SULT1A2: variants seen among roughly 807,000 people sequenced by gnomAD.
The protein encoded by SULT1A2 is sulfotransferase 1A2.
A neutral mutation model predicts 36.0 loss-of-function variants in SULT1A2; 33 were observed. The ratio of observed to expected loss-of-function variants is 0.92; its 90% CI spans 0.69 to 1.22. SULT1A2 has a LOEUF of 1.22. SULT1A2 is among the 50% of genes most tolerant of loss of function. SULT1A2 has a pLI of 0.00. For synonymous variants in SULT1A2, 138 were observed against 144.5 expected (o/e 0.96, Z 0.32); for missense variants, 367 against 383.2 (o/e 0.96, Z 0.35).
Position 28,593,110 on chromosome 16 carries a change from G to A in SULT1A2, c.594+142C>T, listed in dbSNP as rs536326635. 6.4e-5 allele frequency: 81 copies of A among 1,273,444 alleles called. 1 individual carries two copies. Among genetic ancestry groups the A allele is most frequent in the South Asian group, 4.3e-5 (3 of 70,236 alleles). The allele number at this position is 1,273,444 out of a possible 1,614,324, so 78.9% of individuals were successfully genotyped here. A position where few individuals can be genotyped will look rare whatever the true frequency, so the allele number is the denominator to read the frequency against. ...TGCTGCCACATGGGGCTGCAGTGGG[G>A]CCTGGGCCAGGGAGTCAAGATGGGG... On this transcript the variant is annotated intron_variant, in intron 6 of 7. Transcript: ENST00000335715.
intron 5 of SULT1A2, 29 bp downstream of exon 5, chr16:28,593,413 C>T: frequency 1.2e-6 from 2 of 1,614,080 alleles, no homozygotes; most frequent in Non-Finnish European, 1.7e-6. Flanking sequence ...CCCTTAGCTC[C>T]ACACCTTCCT....
chr16:28,592,571 G>C, intron 6 of SULT1A2, 128 bp from the exon 7 acceptor site: 1 of 1,517,230 alleles, frequency 6.6e-7, no homozygotes, highest in Non-Finnish European at 8.9e-7. Flanking sequence ...CCAGCTCCTC[G>C]ACCCCTGGGA....
At chr16:28,594,603 C>T (rs2047036685) in intron 4 of SULT1A2, among the ~76,000 whole-genome samples, 1 of 151,992 alleles carries the variant, frequency 6.6e-6, no homozygotes, top group Non-Finnish European at 1.5e-5. Context: ...CTGGCGCCTG[C>T]CCCAACGCCT....
Position 28,595,822 on chromosome 16 carries a change from G to A in SULT1A2, c.109C>T (p.Arg37Trp), listed in dbSNP as rs142049355. The A allele has an allele frequency of 1.1e-5, 17 of 1,612,162 alleles. No individual in the cohort carries two copies. The African/African-American group carries it at 1.3e-4, about 13-fold the overall frequency. Reference sequence around the variant, plus strand: ...GTGCTGATGAGCAGGTCATCAGGCCGGGCCTGGAAGCTCTGCAGGGGCCCC... The same window carrying A: ...GTGCTGATGAGCAGGTCATCAGGCCAGGCCTGGAAGCTCTGCAGGGGCCCC... ...ALGPLQSFQA[R>W]PDDLLISTYP... The change falls in exon 2 of 8, where the codon CGG (arginine) becomes TGG (tryptophan). Residue 37 changes from arginine to tryptophan, a missense_variant. Transcript: ENST00000335715.
intron 5 of SULT1A2, 28 bp from the exon 6 acceptor site, chr16:28,593,374 A>G (rs1228497063): frequency 3.1e-6 from 5 of 1,614,062 alleles, no homozygotes; most frequent in Non-Finnish European, 3.4e-6. Flanking sequence ...GAGTGCCGAC[A>G]CAGGGTTGCT....
At chr16:28,593,072 G>C (rs2047013452) in intron 6 of SULT1A2, among the ~76,000 whole-genome samples, 180 bp downstream of exon 6, 1 of 152,230 alleles carries the variant, frequency 6.6e-6, no homozygotes, top group African/African-American at 2.4e-5. Context: ...GGAGATGAGA[G>C]CTGTGCCCAG....
At position 28,592,083 on chromosome 16, in the gene SULT1A2, G is replaced by A. The variant is rs773661297; in HGVS notation, c.833C>T (p.Ala278Val). 5.0e-6 allele frequency: 8 copies of A among 1,611,906 alleles called. No homozygotes were observed. Among genetic ancestry groups the A allele is most frequent in the Middle Eastern group, 4.5e-4 (2 of 4,456 alleles). Residue 278 changes from alanine to valine, a missense_variant, in exon 8 of 8, where the codon GCG (alanine) becomes GTG (valine). Physicochemically the swap from Ala to Val is moderately conservative, Grantham distance 64. Coordinates refer to ENST00000335715, the MANE Select transcript of SULT1A2 (RefSeq NM_001054.4). ...FTVAQNERFD[A>V]DYAKKMAGCS... ...GCCTGCCATCTTCTTCGCATAGTCC[G>A]CATCGAAGCGCTCATTCTGCGCCAC...
intron 3 of SULT1A2, 30 bp downstream of exon 3, chr16:28,595,520 C>T: frequency 6.2e-7 from 1 of 1,614,146 alleles, no homozygotes; most frequent in Non-Finnish European, 8.5e-7. Context: ...CTGTCTTCCT[C>T]CACTCCCCTT....
At chr16:28,596,262 A>G (rs749855907) in intron 1 of SULT1A2, 120 of 1,281,900 alleles carry the variant, frequency 9.4e-5, no homozygotes, top group East Asian at 2.4e-4. Flanking sequence ...GTCCAGCTGC[A>G]CTGAGGAACC....
At chr16:28,593,149 T>G (rs1393918596) in intron 6 of SULT1A2, 103 bp downstream of exon 6, 1 of 1,544,440 alleles carries the variant, frequency 6.5e-7, no homozygotes, top group African/African-American at 1.4e-5. Context: ...CCGGGCCTGC[T>G]GGAGGGGCCG....
chr16:28,592,465 A>G (rs1332134816), intron 6 of SULT1A2, 22 bp from the exon 7 acceptor site: 2 of 1,614,108 alleles, frequency 1.2e-6, no homozygotes, highest in African/African-American at 2.7e-5. Context: ...AGGGCTCCTC[A>G]GTGGAGGCTT....
chr16:28,596,914 G>A, intron 1 of SULT1A2, 83 bp downstream of exon 1: 1 of 986,018 alleles, frequency 1.0e-6, no homozygotes, highest in Middle Eastern at 4.5e-4. Flanking sequence ...GGCAGGGATA[G>A]CAGAGGCCTC....
In SULT1A2 at chr16:28,595,603, G is replaced by T; in HGVS notation, c.221C>A (p.Pro74His). The T allele has an allele frequency of 3.7e-6, 6 of 1,614,162 alleles. No individual in the cohort carries two copies. The highest frequency in any genetic ancestry group is 5.1e-6 in the Non-Finnish European group (6 of 1,180,030). The change falls in exon 3 of 8, where the codon CCC becomes CAC. Residue 74 changes from proline (P) to histidine (H), a missense_variant. Physicochemically the swap from Pro to His is moderately conservative, Grantham distance 77 (BLOSUM62 -2). Transcript: ENST00000335715. ...AAGGAAGGGCACCCGCATGAAGATG[G>T]GAGCTCGGTGACACTTTTCCAGGTC... ...GGDLEKCHRA[P>H]IFMRVPFLEF...
At chr16:28,593,191 G>A in intron 6 of SULT1A2, 61 bp downstream of exon 6, 4 of 1,607,736 alleles carry the variant, frequency 2.5e-6, no homozygotes, top group Non-Finnish European at 3.4e-6. Flanking sequence ...GCCTTGGCAG[G>A]TCCCTGTGAA....
At chr16:28,593,894 G>C (rs1436481230) in intron 4 of SULT1A2, among the ~76,000 whole-genome samples, 1 of 152,034 alleles carries the variant, frequency 6.6e-6, no homozygotes, top group African/African-American at 2.4e-5. Flanking sequence ...ACCTTTCTTA[G>C]GTCTACCCGG....
intron 4 of SULT1A2, among the ~76,000 whole-genome samples, chr16:28,595,115 G>A (rs2047043223): frequency 6.6e-6 from 1 of 151,938 alleles, no homozygotes; most frequent in Non-Finnish European, 1.5e-5. Flanking sequence ...TTTTGAGACA[G>A]TGTTTCTCTG....
intron 4 of SULT1A2, among the ~76,000 whole-genome samples, chr16:28,595,072 C>G (rs925060269): frequency 6.6e-6 from 1 of 151,872 alleles, no homozygotes; most frequent in African/African-American, 2.4e-5. Context: ...TGTGAGCCAC[C>G]GCACTGGTGG....
At chr16:28,596,918 A>C in intron 1 of SULT1A2, 79 bp downstream of exon 1, 1 of 1,019,948 alleles carries the variant, frequency 9.8e-7, no homozygotes, top group Non-Finnish European at 1.3e-6. Flanking sequence ...GGGATAGCAG[A>C]GGCCTCGGCT....
chr16:28,592,873 A>T (rs1323630297), intron 6 of SULT1A2, among the ~76,000 whole-genome samples: 3 of 152,190 alleles, frequency 2.0e-5, no homozygotes, highest in Admixed American at 1.3e-4. Context: ...TTAGCCAGGC[A>T]TGGTAGTGTG....
Sources: gnomAD v4.1 joint callset for allele counts (sites outside exome capture counted in the v4.1 genomes callset) on GRCh38, gnomAD v4.1.1 for gene constraint, MANE v1.5 for transcripts, NCBI Gene and HGNC (gene_info 2026-07-23, HGNC 2026-07-21) for gene names.